MEI4: variants seen among roughly 807,000 people sequenced by gnomAD.
MEI4 encodes the protein meiotic double-stranded break formation protein 4.
Under a neutral mutation model 31.4 loss-of-function variants are expected in MEI4, and 27 were observed. That is an observed-to-expected ratio of 0.86 (90% CI 0.63 to 1.19). The LOEUF (loss-of-function observed/expected upper bound fraction) is 1.19. Ranked by LOEUF, MEI4 falls within the 50% of genes most tolerant of loss-of-function variation. The pLI is 0.00. For synonymous variants in MEI4, 122 were observed against 145.4 expected (o/e 0.84, Z 1.16); for missense variants, 329 against 398.9 (o/e 0.82, Z 1.49).
chr6:77,700,442 A>G, intron 2 of MEI4, among the ~76,000 whole-genome samples: 1 of 151,706 alleles, frequency 6.6e-6, no homozygotes, highest in African/African-American at 2.4e-5. Context: ...AGCCCGTTGG[A>G]AAAGCGCAGT....
intron 4 of MEI4, among the ~76,000 whole-genome samples, chr6:77,920,507 A>G (rs1199154919): frequency 6.6e-6 from 1 of 151,882 alleles, no homozygotes; most frequent in Non-Finnish European, 1.5e-5. Context: ...AAGTCATTCA[A>G]TAATTCTTCC....
intron 2 of MEI4, among the ~76,000 whole-genome samples, chr6:77,739,431 G>A (rs1350095876): frequency 6.6e-6 from 1 of 152,130 alleles, no homozygotes; most frequent in Non-Finnish European, 1.5e-5. Context: ...CAGGGACATG[G>A]ATGAACCTGG....
chr6:77,792,609 G>A (rs1237047775), intron 3 of MEI4, among the ~76,000 whole-genome samples: 1 of 151,672 alleles, frequency 6.6e-6, no homozygotes, highest in Non-Finnish European at 1.5e-5. Context: ...TACATTTTTT[G>A]TCTTATGTTT....
At chr6:77,706,331 G>T (rs1164782656) in intron 2 of MEI4, among the ~76,000 whole-genome samples, 4 of 152,160 alleles carry the variant, frequency 2.6e-5, no homozygotes, top group Admixed American at 2.6e-4. Context: ...CACACAGAGA[G>T]GCCAGGAAAA....
chr6:77,863,393 C>CG (rs1770923455), intron 4 of MEI4, among the ~76,000 whole-genome samples: 1 of 46,672 alleles, frequency 2.1e-5, no homozygotes, highest in African/African-American at 2.0e-4. Context: ...CCTTAAAGGA[C>CG]CGATGGAGCT....
intron 2 of MEI4, among the ~76,000 whole-genome samples, chr6:77,755,488 G>A (rs894224202): frequency 4.0e-5 from 6 of 151,716 alleles, no homozygotes; most frequent in South Asian, 2.1e-4. Context: ...GCACGATCTC[G>A]GTTTACTGAA....
intron 4 of MEI4, among the ~76,000 whole-genome samples, chr6:77,903,425 C>G (rs1484136508): frequency 2.6e-5 from 4 of 152,090 alleles, no homozygotes; most frequent in Non-Finnish European, 4.4e-5. Flanking sequence ...TGTAAGTGTT[C>G]TGAGCATACT....
intron 1 of MEI4, among the ~76,000 whole-genome samples, chr6:77,666,837 G>C (rs1768643993): frequency 6.6e-6 from 1 of 150,924 alleles, no homozygotes; most frequent in Non-Finnish European, 1.5e-5. Flanking sequence ...TGCTTTTGGA[G>C]TTAATGTTTC....
chr6:77,748,168 G>T (rs1343123156), intron 2 of MEI4, among the ~76,000 whole-genome samples: 2 of 152,178 alleles, frequency 1.3e-5, no homozygotes, highest in Non-Finnish European at 2.9e-5. Flanking sequence ...TCTTCTCTCA[G>T]CTTCACTAGG....
At chr6:77,864,506 G>A (rs996395956) in intron 4 of MEI4, among the ~76,000 whole-genome samples, 1 of 152,124 alleles carries the variant, frequency 6.6e-6, no homozygotes. Flanking sequence ...AATGGTAAAA[G>A]GATCAATTCA....
chr6:77,906,777 T>C (rs941536982), intron 4 of MEI4, among the ~76,000 whole-genome samples: 23 of 152,088 alleles, frequency 1.5e-4, no homozygotes, highest in Non-Finnish European at 2.8e-4. Context: ...CATTGCCACA[T>C]TGGTAACTGT....
At chr6:77,724,964 A>G (rs12193961) in intron 2 of MEI4, among the ~76,000 whole-genome samples, 42,889 of 140,496 alleles carry the variant, frequency 0.31, 9,048 homozygotes, top group South Asian at 0.38. Context: ...CTGAAATACT[A>G]TCTTCTTCTG....
At chr6:77,732,548 A>G (rs1269039981) in intron 2 of MEI4, among the ~76,000 whole-genome samples, 1 of 152,032 alleles carries the variant, frequency 6.6e-6, no homozygotes, top group Non-Finnish European at 1.5e-5. Context: ...GGGGTTTTCC[A>G]GATATACAAT....
At chr6:77,785,789 G>C (rs1768720125) in intron 3 of MEI4, among the ~76,000 whole-genome samples, 1 of 152,090 alleles carries the variant, frequency 6.6e-6, no homozygotes, top group Admixed American at 6.6e-5. Flanking sequence ...TAGATAACAG[G>C]AAATTGAGGA....
At chr6:77,878,839 A>T (rs1251355499) in intron 4 of MEI4, among the ~76,000 whole-genome samples, 1 of 152,284 alleles carries the variant, frequency 6.6e-6, no homozygotes, top group South Asian at 2.1e-4. Flanking sequence ...TGGGTCTAGG[A>T]CTGAGCATTT....
At chr6:77,922,264 T>G (rs1766720949) in intron 4 of MEI4, among the ~76,000 whole-genome samples, 1 of 151,072 alleles carries the variant, frequency 6.6e-6, no homozygotes, top group Non-Finnish European at 1.5e-5. Context: ...TAATACTTTC[T>G]TAATGAATTT....
At chr6:77,917,005 G>C (rs1267218479) in intron 4 of MEI4, among the ~76,000 whole-genome samples, 1 of 149,628 alleles carries the variant, frequency 6.7e-6, no homozygotes, top group Non-Finnish European at 1.5e-5. Flanking sequence ...CCACCTATGA[G>C]TGAGAATATG....
At position 77,732,436 on chromosome 6, in the gene MEI4, T is replaced by C. The variant is rs923348788; in HGVS notation, c.233-28694T>C. On this transcript the variant is annotated intron_variant, in intron 2 of 4. Coordinates refer to ENST00000684080, the MANE Select transcript of MEI4 (RefSeq NM_001322247.2). ...ATGATTTGGCTCTATGTTTGTCTGT[T>C]CTTGGTGTATAAGAATGCTTGTGAT... Among the ~76,000 whole-genome samples, 31 of 152,090 alleles carry C rather than the reference T, an allele frequency of 2.0e-4. 2 individuals carry two copies. Among genetic ancestry groups the C allele is most frequent in the African/African-American group, 7.5e-4 (31 of 41,342 alleles).
chr6:77,900,146 A>G (rs79462030), intron 4 of MEI4, among the ~76,000 whole-genome samples: 2,880 of 152,126 alleles, frequency 0.019, 65 homozygotes, highest in East Asian at 0.088. Context: ...CCAAAAAATA[A>G]TTATTGGCAA....
Sources: gnomAD v4.1 joint callset for allele counts (sites outside exome capture counted in the v4.1 genomes callset) on GRCh38, gnomAD v4.1.1 for gene constraint, MANE v1.5 for transcripts, NCBI Gene and HGNC (gene_info 2026-07-23, HGNC 2026-07-21) for gene names.